PKNOX2: variants seen among roughly 807,000 people sequenced by gnomAD.
PKNOX2 encodes the protein homeobox protein PKNOX2.
A neutral mutation model predicts 53.1 loss-of-function variants in PKNOX2; 14 were observed. The observed-to-expected ratio is 0.26, with a 90% CI of 0.17 to 0.41. PKNOX2 has a LOEUF of 0.41. PKNOX2 is among the 10% of genes least tolerant of loss of function. The probability of loss-of-function intolerance (pLI) is 1.00; values close to 1 mark genes in which losing one functional copy is unlikely to be tolerated. For missense variants in PKNOX2, 496 were observed against 602.8 expected, an observed-to-expected ratio of 0.82 and a Z score of 1.85; for synonymous variants, 257 against 242.8, an observed-to-expected ratio of 1.06 and a Z score of -0.54.
intron 6 of PKNOX2, among the ~76,000 whole-genome samples, chr11:125,391,740 T>C (rs1954063097): frequency 6.6e-6 from 1 of 152,228 alleles, no homozygotes; most frequent in Non-Finnish European, 1.5e-5. Flanking sequence ...TTTTGCTTTT[T>C]TGATGCAGAC....
intron 1 of PKNOX2, among the ~76,000 whole-genome samples, chr11:125,217,558 C>T (rs376660962): frequency 7.2e-5 from 11 of 152,166 alleles, no homozygotes; most frequent in Non-Finnish European, 1.3e-4. Context: ...AGCCACCTAG[C>T]GCAGGCGGGC....
chr11:125,258,851 A>G, intron 2 of PKNOX2: 1 of 369,640 alleles, frequency 2.7e-6, no homozygotes, highest in Non-Finnish European at 5.6e-6. Flanking sequence ...TCCCCTGGGG[A>G]TGCAGAGAAC....
Position 125,315,328 on chromosome 11 carries a change from A to AC in PKNOX2, c.-129-16490dup, listed in dbSNP as rs1555150609. ...GAAAAAAAAAAAAAAAAAAAAAAAAACACCTCTCTCTGCATTAAAATTGAT... is the reference window on the plus strand; with the variant it reads ...GAAAAAAAAAAAAAAAAAAAAAAAAACCACCTCTCTCTGCATTAAAATTGAT... On this transcript the variant is annotated intron_variant, in intron 2 of 12. Transcript: ENST00000298282. 3.1e-3 allele frequency among the ~76,000 whole-genome samples: 451 copies of AC among 144,602 alleles called. 7 individuals carry two copies. The highest frequency in any genetic ancestry group is 0.012 in the African/African-American group (421 of 36,260). 94.9% of individuals were successfully genotyped at this position (144,602 alleles called of 152,430 possible).
At chr11:125,339,629 G>A (rs538556871) in intron 3 of PKNOX2, among the ~76,000 whole-genome samples, 2 of 152,254 alleles carry the variant, frequency 1.3e-5, no homozygotes, top group East Asian at 3.9e-4. Flanking sequence ...CACTCCTCCT[G>A]GGCCCCAGCA....
chr11:125,331,113 G>C (rs960611071), intron 2 of PKNOX2, among the ~76,000 whole-genome samples: 7 of 152,012 alleles, frequency 4.6e-5, no homozygotes, highest in African/African-American at 1.7e-4. Context: ...AGGAGTGTCC[G>C]GCCAGACCTT....
intron 2 of PKNOX2, among the ~76,000 whole-genome samples, chr11:125,264,538 C>T (rs971393733): frequency 6.6e-6 from 1 of 152,050 alleles, no homozygotes; most frequent in East Asian, 1.9e-4. Context: ...ACCTGGTGGT[C>T]CCTGCTAAGA....
chr11:125,329,819 G>C (rs1196042963), intron 2 of PKNOX2, among the ~76,000 whole-genome samples: 1 of 152,190 alleles, frequency 6.6e-6, no homozygotes, highest in African/African-American at 2.4e-5. Flanking sequence ...AGAGAGCCAT[G>C]GTGCAGGGTG....
At chr11:125,182,219 C>G (rs562053520) in intron 1 of PKNOX2, among the ~76,000 whole-genome samples, 3 of 152,230 alleles carry the variant, frequency 2.0e-5, no homozygotes, top group South Asian at 2.1e-4. Flanking sequence ...TTTCTGTGGT[C>G]CCCCCAGTCC....
chr11:125,324,829 G>A (rs956833401), intron 2 of PKNOX2, among the ~76,000 whole-genome samples: 24 of 152,168 alleles, frequency 1.6e-4, no homozygotes, highest in African/African-American at 5.3e-4. Flanking sequence ...GAGCCTGCTT[G>A]GAACCCAGAG....
intron 1 of PKNOX2, among the ~76,000 whole-genome samples, chr11:125,214,388 C>T (rs903391071): frequency 6.6e-6 from 1 of 152,032 alleles, no homozygotes; most frequent in African/African-American, 2.4e-5. Flanking sequence ...ATGCCCTACT[C>T]GGGAGGGGGT....
At chr11:125,413,752 C>T (rs1427855177) in intron 10 of PKNOX2, among the ~76,000 whole-genome samples, 1 of 152,174 alleles carries the variant, frequency 6.6e-6, no homozygotes, top group African/African-American at 2.4e-5. Flanking sequence ...TTAATAAATG[C>T]TCCCTTTCCT....
rs553695537 is a variant in PKNOX2, at chr11:125,359,130, C to T, written c.87+7738C>T. ...GGAAAGGCAGGAAGGTGGACACCAT[C>T]GGAAAGGCAGGAAGGTGGACACCAT... On this transcript the variant is annotated intron_variant, in intron 4 of 12. Coordinates refer to ENST00000298282, the MANE Select transcript of PKNOX2 (RefSeq NM_001382323.2). 6.6e-5 allele frequency among the ~76,000 whole-genome samples: 10 copies of T among 152,124 alleles called. No individual in the cohort carries two copies. The East Asian group carries it at 1.2e-3, about 18-fold the overall frequency.
Position 125,430,121 on chromosome 11 carries a change from C to A in PKNOX2, c.1172C>A (p.Ala391Asp). 6.2e-7 allele frequency: 1 copy of A among 1,613,998 alleles called. No individual in the cohort carries two copies. The change falls in exon 12 of 13, where the codon GCC (alanine) becomes GAC (aspartate). Residue 391 changes from alanine to aspartate, a missense_variant. Ala to Asp is a moderately radical substitution (Grantham distance 126). Around this residue, in one of 5 missense-constraint regions of PKNOX2, gnomAD observed 139 missense variants for 161.3 expected, o/e 0.86. Transcript: ENST00000298282. The part of the protein sequence containing the change: ...AAGVLQQQGG[A>D]PGTNPDGSIN... The stretch of plus-strand genomic sequence containing the variant: ...GGGGTGCTGCAGCAGCAGGGCGGTG[C>A]CCCAGGGACAAACCCCGATGGTAAG...
chr11:125,243,657 C>G (rs1943337807), intron 2 of PKNOX2, among the ~76,000 whole-genome samples: 1 of 149,106 alleles, frequency 6.7e-6, no homozygotes, highest in Non-Finnish European at 1.5e-5. Context: ...GGGTCTCGCT[C>G]TGTCGCCCAG....
At chr11:125,322,207 C>CA (rs141262013) in intron 2 of PKNOX2, among the ~76,000 whole-genome samples, 16,623 of 150,112 alleles carry the variant, frequency 0.11, 1,277 homozygotes, top group African/African-American at 0.21. Flanking sequence ...GTGTCTTATT[C>CA]AAAAAAAAAC....
chr11:125,375,709 C>T (rs1221334992), intron 5 of PKNOX2, among the ~76,000 whole-genome samples: 1 of 152,142 alleles, frequency 6.6e-6, no homozygotes, highest in Non-Finnish European at 1.5e-5. Context: ...GGTTAGGGCT[C>T]ACCTCCTCAC....
At chr11:125,340,489 C>T (rs1389760712) in intron 3 of PKNOX2, among the ~76,000 whole-genome samples, 1 of 152,186 alleles carries the variant, frequency 6.6e-6, no homozygotes, top group African/African-American at 2.4e-5. Context: ...CTCAAAGCCC[C>T]GGTTTGCTCA....
Position 125,241,129 on chromosome 11 carries a change from C to T in PKNOX2, c.-130+6014C>T, listed in dbSNP as rs148130329. On this transcript the variant is annotated intron_variant, in intron 2 of 12. Coordinates refer to ENST00000298282, the MANE Select transcript of PKNOX2 (RefSeq NM_001382323.2). ...TTGGCCTGGCTGACCATGGGCTTCA[C>T]GGTTCAACCCTGGTCTACTTTCCTA... Among the ~76,000 whole-genome samples, 328 of 152,266 alleles carry T rather than the reference C, an allele frequency of 2.2e-3. 4 individuals are homozygous for T. The highest frequency in any genetic ancestry group is 0.017 in the Middle Eastern group (5 of 294).
In PKNOX2 at chr11:125,193,999, C is replaced by T. The variant is rs548390112; in HGVS notation, c.-201+29223C>T. ...GGCCCTTCCTCAGCTAAGACAATAT[C>T]GAAGGGCTGGTTGGGAGCTATTCCA... On this transcript the variant is annotated intron_variant, in intron 1 of 12. Coordinates refer to ENST00000298282, the MANE Select transcript of PKNOX2 (RefSeq NM_001382323.2). 1.3e-4 allele frequency among the ~76,000 whole-genome samples: 20 copies of T among 152,298 alleles called. No individual in the cohort carries two copies. In the South Asian group the frequency reaches 3.7e-3, roughly 28 times the overall value.
Sources: gnomAD v4.1 joint callset for allele counts (sites outside exome capture counted in the v4.1 genomes callset) on GRCh38, gnomAD v4.1.1 for gene constraint, gnomAD v4.1.1 regional missense constraint, MANE v1.5 for transcripts, NCBI Gene and HGNC (gene_info 2026-07-23, HGNC 2026-07-21) for gene names.